WDR33: variants seen among roughly 807,000 people sequenced by gnomAD.
WDR33 encodes the protein pre-mRNA 3' end processing protein WDR33.
WDR33 carries 47 observed loss-of-function variants against 164.9 expected under a neutral mutation model. The ratio of observed to expected loss-of-function variants is 0.29; its 90% CI spans 0.23 to 0.36. The LOEUF is 0.36. Ranked by LOEUF, WDR33 falls within the 10% of genes least tolerant of loss-of-function variation. The pLI is 1.00. For synonymous variants in WDR33, 505 were observed against 589.0 expected, an observed-to-expected ratio of 0.86 and a Z score of 2.06; for missense variants, 1,137 against 1,754.1, an observed-to-expected ratio of 0.65 and a Z score of 6.28.
chr2:127,772,404 A>G (rs936184997), intron 1 of WDR33, among the ~76,000 whole-genome samples: 1 of 151,852 alleles, frequency 6.6e-6, no homozygotes. Flanking sequence ...ACCTCACTGC[A>G]CTCCAGCCTG....
intron 21 of WDR33, among the ~76,000 whole-genome samples, chr2:127,707,070 G>GA (rs1374869113): frequency 1.3e-5 from 2 of 151,802 alleles, no homozygotes; most frequent in African/African-American, 2.4e-5. Context: ...AGTATTTCTT[G>GA]AAAAAACAAA....
At chr2:127,742,973 A>G (rs1319851915) in intron 7 of WDR33, among the ~76,000 whole-genome samples, 3 of 152,054 alleles carry the variant, frequency 2.0e-5, no homozygotes, top group African/African-American at 7.2e-5. Context: ...ATTATATTTG[A>G]GTTATCAGTA....
In WDR33 at chr2:127,738,753, C is replaced by T. The variant is rs1428439893; in HGVS notation, c.725-11976G>A. 1.3e-5 allele frequency among the ~76,000 whole-genome samples: 2 copies of T among 152,178 alleles called. No homozygotes were observed. Among genetic ancestry groups the T allele is most frequent in the African/African-American group, 4.8e-5 (2 of 41,448 alleles). ...TGCAATATACTATACAACTTCTCAT[C>T]AACACACTAGCTGCAAGAAGAGAGT... On this transcript the variant is annotated intron_variant, in intron 7 of 21. Transcript: ENST00000322313. This position sits in a 1 kb window ranked among gnomAD's most constrained non-coding sequence, Gnocchi z 4.4.
chr2:127,801,482 C>G (rs1391914508), intron 1 of WDR33, among the ~76,000 whole-genome samples: 2 of 149,354 alleles, frequency 1.3e-5, no homozygotes, highest in African/African-American at 5.0e-5. Context: ...CAGTGAGACT[C>G]TGTCTCTAAA....
chr2:127,787,387 G>C lies in WDR33; in HGVS notation c.-23-16383C>G, dbSNP rs1398991681. On this transcript the variant is annotated intron_variant, in intron 1 of 21. Transcript: ENST00000322313. ...GAGCTGTTGGGCACACCTCCCAGAC[G>C]GGGTGGTGGCCGGGCAGAGGGGCTC... 3.8e-3 allele frequency among the ~76,000 whole-genome samples: 471 copies of C among 122,826 alleles called. 20 individuals are homozygous for C. Among genetic ancestry groups the C allele is most frequent in the African/African-American group, 0.017 (431 of 26,082 alleles). 80.6% of individuals were successfully genotyped at this position (122,826 alleles called of 152,430 possible). A position where few individuals can be genotyped will look rare whatever the true frequency, so the allele number is the denominator to read the frequency against.
At chr2:127,808,783 C>A (rs1026618454) in intron 1 of WDR33, among the ~76,000 whole-genome samples, 4 of 152,146 alleles carry the variant, frequency 2.6e-5, no homozygotes, top group African/African-American at 9.7e-5. Context: ...GTAATCCCAG[C>A]ACTTTGGGAG....
At position 127,712,823 on chromosome 2, in the gene WDR33, T is replaced by A. The variant is rs562920598; in HGVS notation, c.3308+760A>T. Among the ~76,000 whole-genome samples the A allele has an allele frequency of 5.3e-5, 8 of 152,334 alleles. No homozygotes were observed. Among genetic ancestry groups the A allele is most frequent in the African/African-American group, 1.9e-4 (8 of 41,574 alleles). Reference sequence around the variant, plus strand: ...TAGCCCAGGCTGAAGTGCAATGGCATAATCATAACTCACTGCAGCCTCCTG... The same window carrying A: ...TAGCCCAGGCTGAAGTGCAATGGCAAAATCATAACTCACTGCAGCCTCCTG... On this transcript the variant is annotated intron_variant, in intron 18 of 21. Transcript: ENST00000322313. This position sits in a 1 kb window ranked among gnomAD's most constrained non-coding sequence, Gnocchi z 4.0.
Position 127,726,500 on chromosome 2 carries a change from T to C in WDR33, c.851+151A>G, listed in dbSNP as rs1686576022. The stretch of plus-strand genomic sequence containing the variant: ...ATTAAGAGTTCAGAGATGAATCATA[T>C]TTAATTCATAAGAAGTCTATAGATC... On this transcript the variant is annotated intron_variant, in intron 8 of 21. Coordinates refer to ENST00000322313, the MANE Select transcript of WDR33 (RefSeq NM_018383.5). This position sits in a 1 kb window ranked among gnomAD's most constrained non-coding sequence, Gnocchi z 4.8. 7 of 1,070,218 alleles carry C rather than the reference T, an allele frequency of 6.5e-6. No homozygotes were observed. In the Admixed American group the frequency reaches 2.1e-4, roughly 32 times the overall value. The allele number at this position is 1,070,218 out of a possible 1,614,324, so 66.3% of individuals were successfully genotyped here.
rs2105373668 is a variant in WDR33, at chr2:127,712,065, C to A, written c.3308+1518G>T. Among the ~76,000 whole-genome samples the A allele has an allele frequency of 6.6e-6, 1 of 151,722 alleles. No homozygotes were observed. Among genetic ancestry groups the A allele is most frequent in the East Asian group, 2.0e-4 (1 of 5,080 alleles). Reference sequence around the variant, plus strand: ...GGGATTACAAGCGTGAGCCACTGTGCCCGGCCTTAACCATCTATTCACAAG... The same window carrying A: ...GGGATTACAAGCGTGAGCCACTGTGACCGGCCTTAACCATCTATTCACAAG... On this transcript the variant is annotated intron_variant, in intron 18 of 21. Transcript: ENST00000322313. The surrounding 1 kb of genome is among the most constrained non-coding windows in gnomAD (Gnocchi z 4.0).
intron 7 of WDR33, among the ~76,000 whole-genome samples, chr2:127,760,526 C>A (rs556612006): frequency 6.6e-6 from 1 of 152,206 alleles, no homozygotes; most frequent in Non-Finnish European, 1.5e-5. Context: ...GAAACCACTA[C>A]CAATCCACCA....
chr2:127,799,162 A>C (rs978754416), intron 1 of WDR33, among the ~76,000 whole-genome samples: 2 of 152,198 alleles, frequency 1.3e-5, no homozygotes, highest in Non-Finnish European at 2.9e-5. Context: ...AATACAGAGA[A>C]TACATTCAGG....
In WDR33 at chr2:127,710,367, G is replaced by A. The variant is rs1686128595; in HGVS notation, c.3309-511C>T. On this transcript the variant is annotated intron_variant, in intron 18 of 21. Coordinates refer to ENST00000322313, the MANE Select transcript of WDR33 (RefSeq NM_018383.5). This position sits in a 1 kb window ranked among gnomAD's most constrained non-coding sequence, Gnocchi z 4.4. Reference sequence around the variant, plus strand: ...TATGACATATAATCAGAAAAATGGGGGCACAGATCGTGTCTGCCAACCATA... The same window carrying A: ...TATGACATATAATCAGAAAAATGGGAGCACAGATCGTGTCTGCCAACCATA... Among the ~76,000 whole-genome samples the A allele has an allele frequency of 6.6e-6, 1 of 152,190 alleles. No homozygotes were observed. The highest frequency in any genetic ancestry group is 6.5e-5 in the Admixed American group (1 of 15,284).
rs1183672154 is a variant in WDR33, at chr2:127,738,385, C to T, written c.725-11608G>A. Among the ~76,000 whole-genome samples, 2 of 152,052 alleles carry T rather than the reference C, an allele frequency of 1.3e-5. No homozygotes were observed. The highest frequency in any genetic ancestry group is 2.4e-5 in the African/African-American group (1 of 41,400). On this transcript the variant is annotated intron_variant, in intron 7 of 21. Transcript: ENST00000322313. This position sits in a 1 kb window ranked among gnomAD's most constrained non-coding sequence, Gnocchi z 4.4. ...ATAAGTGGAGAAGAGTGAAGTCTCC[C>T]ATGCCTAAGAATTCCACATAATTTA...
In WDR33 at chr2:127,722,479, GA is replaced by G; in HGVS notation, c.1518+111del. 8 of 1,437,412 alleles carry G rather than the reference GA, an allele frequency of 5.6e-6. No individual in the cohort carries two copies. The highest frequency in any genetic ancestry group is 1.4e-5 in the South Asian group (1 of 70,350). 89.0% of individuals were successfully genotyped at this position (1,437,412 alleles called of 1,614,324 possible). A position where few individuals can be genotyped will look rare whatever the true frequency, so the allele number is the denominator to read the frequency against. ...CATGTCTAAGAGTACGTGAACATGG[GA>G]AAAATGCTCCAGTACAGAAACACCT... On this transcript the variant is annotated intron_variant, in intron 14 of 21. Transcript: ENST00000322313. The surrounding 1 kb of genome is among the most constrained non-coding windows in gnomAD (Gnocchi z 5.1).
At chr2:127,796,961 C>A (rs548103943) in intron 1 of WDR33, among the ~76,000 whole-genome samples, 32 of 152,120 alleles carry the variant, frequency 2.1e-4, no homozygotes, top group African/African-American at 7.2e-4. Context: ...TCTGCAATTG[C>A]GAATTTACCT....
Position 127,717,182 on chromosome 2 carries a change from G to A in WDR33, c.2842C>T (p.Pro948Ser). 6.2e-7 allele frequency: 1 copy of A among 1,608,320 alleles called. No homozygotes were observed. ...GAQGRIPPLNPGQGPGPNKGD... is the reference protein window; with the variant it reads ...GAQGRIPPLNSGQGPGPNKGD... Reference sequence around the variant, plus strand: ...TTGTTGGGGCCAGGTCCTTGTCCGGGGTTCAGAGGGGGAATGCGACCTTGT... The same window carrying A: ...TTGTTGGGGCCAGGTCCTTGTCCGGAGTTCAGAGGGGGAATGCGACCTTGT... The change falls in exon 17 of 22, where the codon CCC (proline) becomes TCC (serine). Residue 948 changes from proline (P) to serine (S), a missense_variant. Pro to Ser is a moderately conservative substitution (Grantham distance 74). Transcript: ENST00000322313. This position sits in a 1 kb window ranked among gnomAD's most constrained non-coding sequence, Gnocchi z 5.6.
intron 7 of WDR33, among the ~76,000 whole-genome samples, chr2:127,750,688 A>ATGTG (rs1687314449): frequency 2.0e-5 from 1 of 50,950 alleles, no homozygotes; most frequent in African/African-American, 1.2e-4. Flanking sequence ...ATATATATAT[A>ATGTG]TATATATATA....
rs759299264 is a variant in WDR33 at position 127,719,820 on chromosome 2, C to T, written c.2205G>A (p.Pro735=). ...PQGHLGPQGP[P]GTQGMQGPPG... ...GTGGTCCCTGCATACCTTGAGTACC[C>T]GGAGGCCCCTGTGGGCCCAAGTGAC... Residue 735 remains proline (P), a synonymous_variant, in exon 16 of 22, where the codon CCG becomes CCA. Coordinates refer to ENST00000322313, the MANE Select transcript of WDR33 (RefSeq NM_018383.5). This position sits in a 1 kb window ranked among gnomAD's most constrained non-coding sequence, Gnocchi z 6.5. 9 of 1,613,390 alleles carry T rather than the reference C, an allele frequency of 5.6e-6. No individual in the cohort carries two copies. The highest frequency in any genetic ancestry group is 2.2e-5 in the East Asian group (1 of 44,878).
intron 7 of WDR33, chr2:127,736,275 T>C: frequency 1.0e-6 from 1 of 985,436 alleles, no homozygotes; most frequent in Non-Finnish European, 1.2e-6. Context: ...GAATGGACAC[T>C]TCCGGGGGAG....
Sources: allele counts gnomAD v4.1 joint callset (sites outside exome capture counted in the v4.1 genomes callset), GRCh38; gene constraint gnomAD v4.1.1; non-coding constraint Gnocchi (gnomAD v3.1); transcripts MANE v1.5; gene names NCBI Gene and HGNC (gene_info 2026-07-23, HGNC 2026-07-21).